NRK: variants seen among roughly 807,000 people sequenced by gnomAD.
NRK encodes nik-related protein kinase.
A neutral mutation model predicts 125.2 loss-of-function variants in NRK; 67 were observed. The ratio of observed to expected loss-of-function variants is 0.54; its 90% CI spans 0.44 to 0.66. The LOEUF (loss-of-function observed/expected upper bound fraction) is 0.66. Among genes scored for constraint, NRK ranks in the 30% least tolerant of loss-of-function variants. The pLI, the probability that NRK is intolerant of heterozygous loss-of-function variation, is 0.00. For missense variants in NRK, 1,224 were observed against 1,192.9 expected (o/e 1.03, Z -0.38); for synonymous variants, 458 against 429.0 (o/e 1.07, Z -0.84).
At chrX:105,826,038 G>A (rs1189253174) in intron 1 of NRK, among the ~76,000 whole-genome samples, 2 of 93,487 alleles carry the variant, frequency 2.1e-5, no homozygotes, top group Non-Finnish European at 4.2e-5. Context: ...CTCTGTCTCC[G>A]TCTCTCTCTC....
At chrX:105,882,257 C>T (rs1207725065) in intron 4 of NRK, among the ~76,000 whole-genome samples, 1 of 109,113 alleles carries the variant, frequency 9.2e-6, no homozygotes, top group African/African-American at 3.3e-5. Context: ...TGCCCACCCC[C>T]CCGCTTTTTG....
intron 2 of NRK, among the ~76,000 whole-genome samples, chrX:105,849,511 A>G (rs2039443846): frequency 9.0e-6 from 1 of 111,615 alleles, no homozygotes; most frequent in Non-Finnish European, 1.9e-5. Flanking sequence ...TATTAACTCA[A>G]AAGTCCACAG....
intron 8 of NRK, among the ~76,000 whole-genome samples, chrX:105,899,992 A>C (rs1218686132): frequency 1.8e-5 from 2 of 110,683 alleles, no homozygotes; most frequent in Non-Finnish European, 3.8e-5. Flanking sequence ...AAGAGAATTC[A>C]GTAAACCTGT....
chrX:105,859,982 G>T (rs1290717990), intron 2 of NRK, among the ~76,000 whole-genome samples: 6 of 111,969 alleles, frequency 5.4e-5, no homozygotes, highest in Non-Finnish European at 1.1e-4. Context: ...TGTTTTTGAA[G>T]CTCTCACCCA....
intron 1 of NRK, among the ~76,000 whole-genome samples, chrX:105,830,314 C>CAAAAAAAAAAAAAAAAAAAAAAAAAAAAA (rs71932033): frequency 9.1e-5 from 1 of 11,041 alleles, no homozygotes; most frequent in Non-Finnish European, 1.5e-4. Context: ...AACTCCGTCG[C>CAAAAAAAAAAAAAAAAAAAAAAAAAAAAA]AAAAAAAAAA....
At chrX:105,844,007 G>C (rs750134161) in intron 2 of NRK, among the ~76,000 whole-genome samples, 5 of 89,235 alleles carry the variant, frequency 5.6e-5, no homozygotes, top group East Asian at 6.2e-4. Context: ...GTGTGTGTGT[G>C]TGTGTGTGTG....
chrX:105,921,857 AG>A (rs201749723), intron 16 of NRK, 106 bp from the exon 17 acceptor site: 4,332 of 329,364 alleles, frequency 0.013, 13 homozygotes, highest in Middle Eastern at 0.03. Context: ...AAAATGACCA[AG>A]AAAAAAAAAA....
At chrX:105,879,638 GAATT>G (rs1218132524) in intron 2 of NRK, among the ~76,000 whole-genome samples, 3 of 111,074 alleles carry the variant, frequency 2.7e-5, no homozygotes, top group African/African-American at 9.8e-5. Context: ...AGAGGCTGTT[GAATT>G]AATTATGAAT....
At chrX:105,915,493 A>G (rs1368277794) in intron 14 of NRK, among the ~76,000 whole-genome samples, 1 of 111,313 alleles carries the variant, frequency 9.0e-6, no homozygotes, top group Non-Finnish European at 1.9e-5. Flanking sequence ...TAAGATTTTG[A>G]TTATATGAGC....
chrX:105,872,833 G>A (rs1314107453), intron 2 of NRK, among the ~76,000 whole-genome samples: 1 of 111,094 alleles, frequency 9.0e-6, no homozygotes, highest in Non-Finnish European at 1.9e-5. Flanking sequence ...TTTTCTGCAT[G>A]GACCTGATGC....
chrX:105,937,737 T>C (rs1203504952), intron 22 of NRK, among the ~76,000 whole-genome samples, 155 bp downstream of exon 22: 1 of 112,111 alleles, frequency 8.9e-6, no homozygotes, highest in Non-Finnish European at 1.9e-5. Flanking sequence ...TATTATCTTA[T>C]CTATTTACAA....
intron 2 of NRK, among the ~76,000 whole-genome samples, chrX:105,878,114 A>G (rs2039838181): frequency 9.0e-6 from 1 of 111,180 alleles, no homozygotes; most frequent in Non-Finnish European, 1.9e-5. Flanking sequence ...AGTTTCCAAC[A>G]TGTTGTATTT....
chrX:105,934,449 G>A lies in NRK; in HGVS notation c.3499+5G>A, dbSNP rs764187317. On this transcript the variant is annotated splice_donor_5th_base_variant and intron_variant, in intron 20 of 28. Coordinates refer to ENST00000243300, the MANE Select transcript of NRK (RefSeq NM_198465.4). Reference sequence around the variant, plus strand: ...CTAACTTTGCCAGTGCCATCTGTGAGTGTGTTCAATGTAATCTCTAAATGC... The same window carrying A: ...CTAACTTTGCCAGTGCCATCTGTGAATGTGTTCAATGTAATCTCTAAATGC... 8.7e-7 allele frequency: 1 copy of A among 1,144,358 alleles called. No homozygotes were observed. 94.3% of individuals were successfully genotyped at this position (1,144,358 alleles called of 1,213,427 possible). A position where few individuals can be genotyped will look rare whatever the true frequency, so the allele number is the denominator to read the frequency against.
chrX:105,855,524 G>A (rs940635134), intron 2 of NRK, among the ~76,000 whole-genome samples: 1 of 111,394 alleles, frequency 9.0e-6, no homozygotes, highest in African/African-American at 3.3e-5. Context: ...CTAGCTGGGA[G>A]ACAAGTCTGC....
intron 28 of NRK, among the ~76,000 whole-genome samples, chrX:105,953,545 A>G (rs1168301245): frequency 8.9e-6 from 1 of 111,914 alleles, no homozygotes; most frequent in Non-Finnish European, 1.9e-5. Flanking sequence ...TCTGCCTTTT[A>G]TAGCTTTCAA....
intron 2 of NRK, among the ~76,000 whole-genome samples, chrX:105,868,321 A>T (rs896521948): frequency 5.4e-5 from 6 of 110,866 alleles, no homozygotes; most frequent in Admixed American, 9.7e-5. Context: ...AGCAAGGTAA[A>T]GTTGGTTTCT....
intron 1 of NRK, among the ~76,000 whole-genome samples, chrX:105,823,383 C>T (rs1457480236): frequency 9.0e-6 from 1 of 111,638 alleles, no homozygotes; most frequent in African/African-American, 3.3e-5. Context: ...TAGGTGACAG[C>T]GACTAGAAAA....
chrX:105,870,005 C>T (rs750508976), intron 2 of NRK, among the ~76,000 whole-genome samples: 12 of 111,397 alleles, frequency 1.1e-4, no homozygotes, highest in African/African-American at 3.6e-4. Flanking sequence ...CTTGCCATAC[C>T]CTCACCCACT....
intron 2 of NRK, among the ~76,000 whole-genome samples, chrX:105,857,587 A>T (rs11092545): frequency 0.19 from 21,408 of 110,817 alleles, 1,547 homozygotes; most frequent in Middle Eastern, 0.31. Flanking sequence ...CTTATTTCTT[A>T]AAGAAAAAAA....
Sources: gnomAD v4.1 joint callset for allele counts (sites outside exome capture counted in the v4.1 genomes callset) on GRCh38, gnomAD v4.1.1 for gene constraint, MANE v1.5 for transcripts, NCBI Gene and HGNC (gene_info 2026-07-23, HGNC 2026-07-21) for gene names.